The following WDHD1 variants were observed in gnomAD, a reference collection of about 807,000 sequenced individuals.
The protein encoded by WDHD1 is WD repeat and HMG-box DNA-binding protein 1.
A neutral mutation model predicts 135.4 loss-of-function variants in WDHD1; 111 were observed. The ratio of observed to expected loss-of-function variants is 0.82; its 90% CI spans 0.70 to 0.96. WDHD1 has a LOEUF of 0.96. WDHD1 is among the 40% of genes least tolerant of loss of function. The pLI, the probability that WDHD1 is intolerant of heterozygous loss-of-function variation, is 0.00. For synonymous variants in WDHD1, 434 were observed against 439.0 expected (o/e 0.99, Z 0.14); for missense variants, 1,351 against 1,336.3 (o/e 1.01, Z -0.17).
At position 55,008,508 on chromosome 14, in the gene WDHD1, GA is replaced by G. The variant is rs1173319226; in HGVS notation, c.453+99del. 3 of 1,439,270 alleles carry G rather than the reference GA, an allele frequency of 2.1e-6. No individual in the cohort carries two copies. The African/African-American group carries it at 4.3e-5, about 21-fold the overall frequency. The allele number at this position is 1,439,270 out of a possible 1,614,324, so 89.2% of individuals were successfully genotyped here. ...TCTCTTACTGAATAAAACAAAGGTT[GA>G]AAAGTTGAGTTAGCAGAAAATTTTT... On this transcript the variant is annotated intron_variant, in intron 5 of 25. Coordinates refer to ENST00000360586, the MANE Select transcript of WDHD1 (RefSeq NM_007086.4).
chr14:54,980,281 G>A (rs1480567137), intron 16 of WDHD1, among the ~76,000 whole-genome samples: 2 of 151,652 alleles, frequency 1.3e-5, no homozygotes, highest in Non-Finnish European at 2.9e-5. Context: ...ACATAATCGG[G>A]CCACTGTGCT....
At chr14:54,982,102 G>A (rs1054038221) in intron 15 of WDHD1, among the ~76,000 whole-genome samples, 4 of 151,860 alleles carry the variant, frequency 2.6e-5, no homozygotes, top group Non-Finnish European at 5.9e-5. Context: ...CGCCTTCCAG[G>A]TTCAAGCCAT....
At chr14:54,974,174 T>G (rs369269158) in intron 16 of WDHD1, among the ~76,000 whole-genome samples, 1 of 151,096 alleles carries the variant, frequency 6.6e-6, no homozygotes, top group African/African-American at 2.4e-5. Flanking sequence ...GTAATCCCAG[T>G]ACATAAGGAG....
At chr14:54,998,990 C>G (rs1045560182) in intron 10 of WDHD1, among the ~76,000 whole-genome samples, 54 of 152,290 alleles carry the variant, frequency 3.5e-4, no homozygotes, top group African/African-American at 1.3e-3. Context: ...TATCTTTTTA[C>G]ACATACAGTA....
intron 11 of WDHD1, among the ~76,000 whole-genome samples, chr14:54,991,884 ATT>A (rs1419725942): frequency 6.6e-6 from 1 of 152,188 alleles, no homozygotes; most frequent in Non-Finnish European, 1.5e-5. Flanking sequence ...TTTGGCAAAC[ATT>A]TTCTTGTAAA....
chr14:54,949,678 G>A (rs2041006487), intron 24 of WDHD1, among the ~76,000 whole-genome samples: 1 of 152,076 alleles, frequency 6.6e-6, no homozygotes. Context: ...CTCGAGAAGA[G>A]CAACTCCAAG....
At chr14:54,970,664 A>G (rs112636335) in intron 16 of WDHD1, among the ~76,000 whole-genome samples, 2 of 151,696 alleles carry the variant, frequency 1.3e-5, no homozygotes, top group African/African-American at 4.8e-5. Flanking sequence ...AAAAGACCAT[A>G]CTCCCCAAAG....
intron 16 of WDHD1, among the ~76,000 whole-genome samples, chr14:54,977,749 T>C (rs905838811): frequency 2.6e-5 from 4 of 152,210 alleles, no homozygotes; most frequent in African/African-American, 4.8e-5. Context: ...AAAATCCTTC[T>C]AAGTGTAAAA....
At position 55,005,746 on chromosome 14, in the gene WDHD1, C is replaced by G. The variant is rs2042056409; in HGVS notation, c.600+1534G>C. 7.3e-6 allele frequency: 3 copies of G among 410,304 alleles called. No individual in the cohort carries two copies. In the Admixed American group the frequency reaches 1.0e-4, roughly 14 times the overall value. The allele number at this position is 410,304 out of a possible 1,614,324, so 25.4% of individuals were successfully genotyped here. ...CCAGAACAACATCATAAGGATCCTTCTCTGGGTAGTGCAGAAAGCCCTCAT... is the reference window on the plus strand; with the variant it reads ...CCAGAACAACATCATAAGGATCCTTGTCTGGGTAGTGCAGAAAGCCCTCAT... On this transcript the variant is annotated intron_variant, in intron 7 of 25. Coordinates refer to ENST00000360586, the MANE Select transcript of WDHD1 (RefSeq NM_007086.4).
chr14:54,957,581 G>T lies in WDHD1; in HGVS notation c.2745+11C>A, dbSNP rs1279326079. ...TTTAAATAATATAAAACATCACTTG[G>T]AAGAGTTTACCTTAAAGGGATTTAC... On this transcript the variant is annotated intron_variant, in intron 22 of 25. Coordinates refer to ENST00000360586, the MANE Select transcript of WDHD1 (RefSeq NM_007086.4). 1 of 1,589,892 alleles carries T rather than the reference G, an allele frequency of 6.3e-7. No individual in the cohort carries two copies. The highest frequency in any genetic ancestry group is 2.2e-5 in the East Asian group (1 of 44,736).
At position 54,941,590 on chromosome 14, in the gene WDHD1, TC is replaced by T. The variant is rs761455247; in HGVS notation, c.3289del (p.Glu1097LysfsTer8). 156 of 1,613,946 alleles carry T rather than the reference TC, an allele frequency of 9.7e-5. No homozygotes were observed. The South Asian group carries it at 1.6e-3, about 16-fold the overall frequency. On this transcript the variant is annotated frameshift_variant, in exon 26 of 26. Coordinates refer to ENST00000360586, the MANE Select transcript of WDHD1 (RefSeq NM_007086.4). LOFTEE classifies it high-confidence loss of function. Reference sequence around the variant, plus strand: ...ATTCAGGTTCTCTTTTGCTTTTTCTTCCTGGTTTTCTGTTTCATCACTTTCA... The same window carrying T: ...ATTCAGGTTCTCTTTTGCTTTTTCTTCTGGTTTTCTGTTTCATCACTTTCA... ...VDESDETENQ[E>X]EKAKENLNLS...
In WDHD1 at chr14:54,939,949, AT is replaced by A. The variant is rs1427143790; in HGVS notation, c.*1540del. The A allele has an allele frequency of 1.3e-5, 2 of 152,264 alleles. No homozygotes were observed. Among genetic ancestry groups the A allele is most frequent in the Non-Finnish European group, 2.9e-5 (2 of 68,054 alleles). 9.4% of individuals were successfully genotyped at this position (152,264 alleles called of 1,614,324 possible). Reference sequence around the variant, plus strand: ...AAACACAAAATACATGTCTACAAACATGCTTTCCAATGTACTATAAATAAAC... The same window carrying A: ...AAACACAAAATACATGTCTACAAACAGCTTTCCAATGTACTATAAATAAAC... On this transcript the variant is annotated 3_prime_UTR_variant, in exon 26 of 26. Coordinates refer to ENST00000360586, the MANE Select transcript of WDHD1 (RefSeq NM_007086.4).
intron 24 of WDHD1, among the ~76,000 whole-genome samples, chr14:54,945,741 A>T (rs2040912413): frequency 6.6e-6 from 1 of 152,122 alleles, no homozygotes; most frequent in South Asian, 2.1e-4. Flanking sequence ...GGGTTTCACC[A>T]TATTGGCCAG....
chr14:55,013,449 T>A, intron 3 of WDHD1, 36 bp downstream of exon 3: 1 of 1,404,714 alleles, frequency 7.1e-7, no homozygotes, highest in South Asian at 1.2e-5. Context: ...CATGCCAGTA[T>A]CATTTCATAT....
rs1479290111 is a variant in WDHD1 at position 54,973,081 on chromosome 14, A to G, written c.2064-5687T>C. 2.6e-5 allele frequency among the ~76,000 whole-genome samples: 4 copies of G among 152,202 alleles called. No individual in the cohort carries two copies. In the East Asian group the frequency reaches 7.7e-4, roughly 29 times the overall value. On this transcript the variant is annotated intron_variant, in intron 16 of 25. Transcript: ENST00000360586. ...TCTTTCAACTTATGTACTCCGATTT[A>G]TTTATTAGAAAAGCACTGGAAAACC...
At chr14:55,022,818 C>CTCTT (rs1449417399) in intron 2 of WDHD1, among the ~76,000 whole-genome samples, 1 of 150,396 alleles carries the variant, frequency 6.6e-6, no homozygotes, top group Non-Finnish European at 1.5e-5. Context: ...TTGACCCTTT[C>CTCTT]TCTTTCTTTT....
At chr14:54,959,397 G>C (rs962436290) in intron 21 of WDHD1, among the ~76,000 whole-genome samples, 1 of 146,008 alleles carries the variant, frequency 6.8e-6, no homozygotes, top group African/African-American at 2.5e-5. Flanking sequence ...CCCTGGCGGG[G>C]GGAAGAGGAG....
intron 23 of WDHD1, among the ~76,000 whole-genome samples, chr14:54,955,895 C>CTTTTTTTTTTTTT (rs71131243): frequency 9.1e-6 from 1 of 110,096 alleles, no homozygotes. Flanking sequence ...CCATGTTTTC[C>CTTTTTTTTTTTTT]TTTTTTTTTT....
intron 16 of WDHD1, among the ~76,000 whole-genome samples, chr14:54,970,333 T>C (rs944285665): frequency 6.6e-6 from 1 of 152,156 alleles, no homozygotes; most frequent in Non-Finnish European, 1.5e-5. Flanking sequence ...AAAATCAATA[T>C]ACAAAAATCA....
Sources: gnomAD v4.1 joint callset for allele counts (sites outside exome capture counted in the v4.1 genomes callset) on GRCh38, gnomAD v4.1.1 for gene constraint, MANE v1.5 for transcripts, NCBI Gene and HGNC (gene_info 2026-07-23, HGNC 2026-07-21) for gene names.